SLC22A11: variants seen among roughly 807,000 people sequenced by gnomAD.
SLC22A11 encodes the protein organic anion transporter 4.
In SLC22A11, 42 loss-of-function variants were observed where a neutral mutation model predicts 49.4. That is an observed-to-expected ratio of 0.85 (90% CI 0.66 to 1.10). The LOEUF is 1.10. SLC22A11 is among the 50% of genes least tolerant of loss of function. The probability of loss-of-function intolerance (pLI) is 0.00; values close to 1 mark genes in which losing one functional copy is unlikely to be tolerated. For synonymous variants in SLC22A11, 304 were observed against 315.8 expected, an observed-to-expected ratio of 0.96 and a Z score of 0.40; for missense variants, 685 against 731.6, an observed-to-expected ratio of 0.94 and a Z score of 0.74.
rs760872433 is a variant in SLC22A11 at position 64,556,053 on chromosome 11, C to A, written c.54C>A (p.Thr18=). ...EQAGGVGLFQ[T]LQVLTFILPC... ...CCGGAGGCGTGGGCCTCTTCCAGACCCTGCAGGTGCTCACCTTCATCCTCC... is the reference window on the plus strand; with the variant it reads ...CCGGAGGCGTGGGCCTCTTCCAGACACTGCAGGTGCTCACCTTCATCCTCC... The change falls in exon 1 of 10, where the codon ACC becomes ACA. Residue 18 remains threonine (T), a synonymous_variant. Coordinates refer to ENST00000301891, the MANE Select transcript of SLC22A11 (RefSeq NM_018484.4). 2 of 1,613,782 alleles carry A rather than the reference C, an allele frequency of 1.2e-6. No individual in the cohort carries two copies. Among genetic ancestry groups the A allele is most frequent in the South Asian group, 2.2e-5 (2 of 91,086 alleles).
At chr11:64,557,372 C>A (rs985649364) in intron 1 of SLC22A11, among the ~76,000 whole-genome samples, 1 of 152,230 alleles carries the variant, frequency 6.6e-6, no homozygotes, top group South Asian at 2.1e-4. Context: ...AGCAAGGTTG[C>A]GAGGGGTGAG....
At chr11:64,557,218 A>G (rs1477886751) in intron 1 of SLC22A11, among the ~76,000 whole-genome samples, 7 of 152,230 alleles carry the variant, frequency 4.6e-5, no homozygotes, top group Non-Finnish European at 8.8e-5. Context: ...GACAGTCCTC[A>G]TTTAATAACG....
Position 64,564,198 on chromosome 11 carries a change from C to T in SLC22A11, c.822-110C>T. 1.4e-6 allele frequency: 2 copies of T among 1,379,948 alleles called. No homozygotes were observed. The highest frequency in any genetic ancestry group is 2.1e-5 in the Admixed American group (1 of 47,788). The allele number at this position is 1,379,948 out of a possible 1,614,324, so 85.5% of individuals were successfully genotyped here. On this transcript the variant is annotated intron_variant, in intron 4 of 9. Coordinates refer to ENST00000301891, the MANE Select transcript of SLC22A11 (RefSeq NM_018484.4). This position sits in a 1 kb window ranked among gnomAD's most constrained non-coding sequence, Gnocchi z 4.2. The stretch of plus-strand genomic sequence containing the variant: ...GGCAGCAGCGGCACAGAAGCATGTG[C>T]TTCCTCATCACTCATCTCAGCTGGA...
intron 9 of SLC22A11, 150 bp downstream of exon 9, chr11:64,570,008 G>A (rs2038683424): frequency 1.4e-6 from 1 of 695,138 alleles, no homozygotes; most frequent in Non-Finnish European, 2.4e-6. Flanking sequence ...TGCCAGAAAT[G>A]TATTATTACT....
rs765972726 is a variant in SLC22A11 at position 64,562,283 on chromosome 11, G to A, written c.669G>A (p.Thr223=). The change falls in exon 4 of 10, where the codon ACG becomes ACA. Residue 223 remains threonine, a synonymous_variant. Coordinates refer to ENST00000301891, the MANE Select transcript of SLC22A11 (RefSeq NM_018484.4). This position sits in a 1 kb window ranked among gnomAD's most constrained non-coding sequence, Gnocchi z 4.4. ...SSLTLMVEWT[T]TSRRAVTMTV... ...ATCCTTCAGTGGTGGAGTGGACCAC[G>A]ACCAGCAGGAGGGCGGTCACCATGA... The A allele has an allele frequency of 1.2e-5, 20 of 1,605,508 alleles. No individual in the cohort carries two copies. The African/African-American group carries it at 1.3e-4, about 11-fold the overall frequency.
chr11:64,567,504 T>C, intron 6 of SLC22A11, 95 bp from the exon 7 acceptor site: 2 of 1,207,880 alleles, frequency 1.7e-6, no homozygotes, highest in Non-Finnish European at 2.4e-6. Flanking sequence ...GGGTTGGCCA[T>C]GTCCTCCCAG....
rs1185859937 is a variant in SLC22A11 at position 64,562,173 on chromosome 11, C to T, written c.652+15C>T. ...ACTGACACTGAGTGAGTCCCCGGCT[C>T]AGCGCGCTCCTGCCATGGGGGCGGG... On this transcript the variant is annotated intron_variant, in intron 3 of 9. Transcript: ENST00000301891. This position sits in a 1 kb window ranked among gnomAD's most constrained non-coding sequence, Gnocchi z 4.4. 1.9e-6 allele frequency: 3 copies of T among 1,610,684 alleles called. No individual in the cohort carries two copies. Among genetic ancestry groups the T allele is most frequent in the Non-Finnish European group, 2.5e-6 (3 of 1,177,832 alleles).
chr11:64,559,260 A>G, intron 2 of SLC22A11, 22 bp downstream of exon 2: 2 of 1,507,974 alleles, frequency 1.3e-6, no homozygotes, highest in Non-Finnish European at 1.8e-6. Flanking sequence ...CGCTCCTCCC[A>G]GCCCCCAGCT....
At chr11:64,563,555 AAT>A (rs1176843887) in intron 4 of SLC22A11, among the ~76,000 whole-genome samples, 8 of 143,598 alleles carry the variant, frequency 5.6e-5, no homozygotes, top group Non-Finnish European at 1.1e-4. Context: ...GTTGGGGAGA[AAT>A]AGACTGGTTT....
At chr11:64,569,159 A>C (rs2135427032) in intron 8 of SLC22A11, among the ~76,000 whole-genome samples, 1 of 152,168 alleles carries the variant, frequency 6.6e-6, no homozygotes, top group Non-Finnish European at 1.5e-5. Flanking sequence ...ATAAAACACA[A>C]ATGGAAAACC....
Position 64,564,545 on chromosome 11 carries a change from A to T in SLC22A11, c.942+117A>T. 1 of 1,291,400 alleles carries T rather than the reference A, an allele frequency of 7.7e-7. No homozygotes were observed. The highest frequency in any genetic ancestry group is 1.1e-6 in the Non-Finnish European group (1 of 923,756). 80.0% of individuals were successfully genotyped at this position (1,291,400 alleles called of 1,614,324 possible). The stretch of plus-strand genomic sequence containing the variant: ...CACCACCTCCACCAGCACCACCACC[A>T]GCATCTCCACAGACACCACCAACAC... On this transcript the variant is annotated intron_variant, in intron 5 of 9. Coordinates refer to ENST00000301891, the MANE Select transcript of SLC22A11 (RefSeq NM_018484.4). The surrounding 1 kb of genome is among the most constrained non-coding windows in gnomAD (Gnocchi z 4.2).
At position 64,564,254 on chromosome 11, in the gene SLC22A11, G is replaced by T; in HGVS notation, c.822-54G>T. 6.2e-7 allele frequency: 1 copy of T among 1,606,676 alleles called. No homozygotes were observed. Among genetic ancestry groups the T allele is most frequent in the South Asian group, 1.1e-5 (1 of 90,306 alleles). ...CGTGCCCACTGCCCCTTTCCACCCC[G>T]CCCCGGGGGAGAGCCCAGCGTGCAC... On this transcript the variant is annotated intron_variant, in intron 4 of 9. Coordinates refer to ENST00000301891, the MANE Select transcript of SLC22A11 (RefSeq NM_018484.4). The surrounding 1 kb of genome is among the most constrained non-coding windows in gnomAD (Gnocchi z 4.2).
At position 64,556,375 on chromosome 11, in the gene SLC22A11, T is replaced by G; in HGVS notation, c.376T>G (p.Ser126Ala). The G allele has an allele frequency of 6.2e-7, 1 of 1,611,392 alleles. No individual in the cohort carries two copies. Among genetic ancestry groups the G allele is most frequent in the Non-Finnish European group, 8.5e-7 (1 of 1,179,984 alleles). The change falls in exon 1 of 10, where the codon TCC becomes GCC. Residue 126 changes from serine (S) to alanine (A), a missense_variant. Physicochemically the swap from Ser to Ala is moderately conservative, Grantham distance 99. Coordinates refer to ENST00000301891, the MANE Select transcript of SLC22A11 (RefSeq NM_018484.4). The part of the protein sequence containing the change: ...GWVYDRSVFT[S>A]TIVAKWDLVC... ...GGTCTATGACCGCAGCGTCTTCACCTCCACCATCGTGGCCAAGGTAGGGCC... is the reference window on the plus strand; with the variant it reads ...GGTCTATGACCGCAGCGTCTTCACCGCCACCATCGTGGCCAAGGTAGGGCC...
chr11:64,566,754 T>C (rs576534155), intron 6 of SLC22A11: 2 of 152,258 alleles, frequency 1.3e-5, no homozygotes, highest in East Asian at 1.9e-4. Context: ...CCGATGTTTA[T>C]TGGGTGATGC....
chr11:64,556,488 A>T, intron 1 of SLC22A11, 96 bp downstream of exon 1: 1 of 1,506,708 alleles, frequency 6.6e-7, no homozygotes, highest in Non-Finnish European at 8.9e-7. Flanking sequence ...CCTGGGAGGG[A>T]CCCGCCTCCT....
chr11:64,564,193 A>G lies in SLC22A11; in HGVS notation c.822-115A>G. On this transcript the variant is annotated intron_variant, in intron 4 of 9. Transcript: ENST00000301891. The surrounding 1 kb of genome is among the most constrained non-coding windows in gnomAD (Gnocchi z 4.2). ...GGCTGGGCAGCAGCGGCACAGAAGC[A>G]TGTGCTTCCTCATCACTCATCTCAG... 7.5e-7 allele frequency: 1 copy of G among 1,339,504 alleles called. No individual in the cohort carries two copies. The highest frequency in any genetic ancestry group is 1.0e-6 in the Non-Finnish European group (1 of 972,486). 83.0% of individuals were successfully genotyped at this position (1,339,504 alleles called of 1,614,324 possible). A position where few individuals can be genotyped will look rare whatever the true frequency, so the allele number is the denominator to read the frequency against.
In SLC22A11 at chr11:64,556,030, G is replaced by C; in HGVS notation, c.31G>C (p.Gly11Arg). The C allele has an allele frequency of 6.2e-7, 1 of 1,612,476 alleles. No individual in the cohort carries two copies. Among genetic ancestry groups the C allele is most frequent in the Non-Finnish European group, 8.5e-7 (1 of 1,179,896 alleles). The change falls in exon 1 of 10, where the codon GGA becomes CGA. Residue 11 changes from glycine (G) to arginine (R), a missense_variant. Gly to Arg is a moderately radical substitution (Grantham distance 125). Transcript: ENST00000301891. The stretch of plus-strand genomic sequence containing the variant: ...GTTCTCGAAGCTCTTGGAGCAAGCC[G>C]GAGGCGTGGGCCTCTTCCAGACCCT... MAFSKLLEQA[G>R]GVGLFQTLQV...
chr11:64,561,081 C>T (rs749805795), intron 2 of SLC22A11, among the ~76,000 whole-genome samples: 2 of 152,202 alleles, frequency 1.3e-5, no homozygotes, highest in Non-Finnish European at 2.9e-5. Context: ...CTCGCATCTC[C>T]GTTCTGAGCA....
intron 9 of SLC22A11, among the ~76,000 whole-genome samples, chr11:64,570,733 A>G (rs2038692283): frequency 6.6e-6 from 1 of 152,238 alleles, no homozygotes; most frequent in Non-Finnish European, 1.5e-5. Context: ...GCAGGGTTAT[A>G]TAACTTGCCT....
Sources: allele counts gnomAD v4.1 joint callset (sites outside exome capture counted in the v4.1 genomes callset), GRCh38; gene constraint gnomAD v4.1.1; non-coding constraint Gnocchi (gnomAD v3.1); transcripts MANE v1.5; gene names NCBI Gene and HGNC (gene_info 2026-07-23, HGNC 2026-07-21).